PIGN: variants seen among roughly 807,000 people sequenced by gnomAD.
The protein encoded by PIGN is phosphatidylinositol glycan anchor biosynthesis class N.
PIGN carries 117 observed loss-of-function variants against 125.4 expected under a neutral mutation model. The observed-to-expected ratio is 0.93, with a 90% confidence interval of 0.80 to 1.09. PIGN has a LOEUF of 1.09. Ranked by LOEUF, PIGN falls within the 50% of genes least tolerant of loss-of-function variation. The pLI, the probability that PIGN is intolerant of heterozygous loss-of-function variation, is 0.00. For synonymous variants in PIGN, 392 were observed against 377.8 expected (o/e 1.04, Z -0.44); for missense variants, 1,075 against 1,094.9 (o/e 0.98, Z 0.26).
intron 23 of PIGN, among the ~76,000 whole-genome samples, chr18:62,032,298 G>T (rs1361711951): frequency 2.0e-5 from 3 of 152,156 alleles, no homozygotes; most frequent in African/African-American, 4.8e-5. Flanking sequence ...AACTTCAATT[G>T]CTTAAAAATA....
At chr18:62,105,354 T>C (rs555631697) in intron 20 of PIGN, 189 bp downstream of exon 20, 1 of 384,660 alleles carries the variant, frequency 2.6e-6, no homozygotes, top group East Asian at 4.1e-5. Flanking sequence ...CGAAAGCACC[T>C]ACTAGGAGGT....
chr18:62,041,640 GGTGTGTGTGTGTGTGTGTGTGTGTGT>G lies in PIGN; in HGVS notation c.*4190_*4215del, dbSNP rs1220795520. On this transcript the variant is annotated 3_prime_UTR_variant, in exon 31 of 31. Transcript: ENST00000640252. ...ATTACAGGAGCCTACCACCCCGCCG[GGTGTGTGTGTGTGTGTGTGTGTGTGT>G]GTGTGTGTGTGTGTGTGTGTGTGTG... 23 of 77,538 alleles carry G rather than the reference GGTGTGTGTGTGTGTGTGTGTGTGTGT, an allele frequency of 3.0e-4. No homozygotes were observed. Among genetic ancestry groups the G allele is most frequent in the African/African-American group, 4.9e-4 (9 of 18,490 alleles). 4.8% of individuals were successfully genotyped at this position (77,538 alleles called of 1,614,324 possible). A position where few individuals can be genotyped will look rare whatever the true frequency, so the allele number is the denominator to read the frequency against.
chr18:62,105,704 T>C (rs527468534), intron 19 of PIGN, 70 bp from the exon 20 acceptor site: 2 of 782,298 alleles, frequency 2.6e-6, no homozygotes, highest in Non-Finnish European at 4.0e-6. Flanking sequence ...TTTCACAGAC[T>C]ATATGACTGT....
At chr18:62,022,231 T>C (rs2030061826) in intron 23 of PIGN, among the ~76,000 whole-genome samples, 1 of 152,052 alleles carries the variant, frequency 6.6e-6, no homozygotes, top group Non-Finnish European at 1.5e-5. Flanking sequence ...GGGGCAAAAA[T>C]ATTGGGGGCC....
At chr18:62,165,290 C>A (rs2037091376) in intron 1 of PIGN, among the ~76,000 whole-genome samples, 1 of 152,196 alleles carries the variant, frequency 6.6e-6, no homozygotes, top group South Asian at 2.1e-4. Flanking sequence ...GAAGCCAGGT[C>A]CGTGTCCTTT....
At chr18:62,111,108 A>C (rs1359126977) in intron 16 of PIGN, among the ~76,000 whole-genome samples, 1 of 152,092 alleles carries the variant, frequency 6.6e-6, no homozygotes, top group African/African-American at 2.4e-5. Flanking sequence ...AGAAAGAGAA[A>C]GAATTCAAGT....
At chr18:62,074,966 T>A (rs1413296890) in intron 28 of PIGN, 145 bp from the exon 29 acceptor site, 1 of 583,272 alleles carries the variant, frequency 1.7e-6, no homozygotes, top group African/African-American at 1.9e-5. Context: ...GTTCTTTTCA[T>A]ATTATCATGG....
At chr18:62,095,000 A>C (rs185603930) in intron 23 of PIGN, among the ~76,000 whole-genome samples, 6 of 152,322 alleles carry the variant, frequency 3.9e-5, no homozygotes, top group Non-Finnish European at 7.4e-5. Context: ...AGTTTCCAAA[A>C]GGGAGAACCT....
chr18:62,133,341 AATCTAT>A (rs1366312763), intron 14 of PIGN, among the ~76,000 whole-genome samples: 1 of 152,192 alleles, frequency 6.6e-6, no homozygotes, highest in African/African-American at 2.4e-5. Context: ...AGTTCCACTA[AATCTAT>A]ATGTTTGGCC....
intron 21 of PIGN, among the ~76,000 whole-genome samples, chr18:62,102,234 A>G (rs1165612184): frequency 6.7e-6 from 1 of 150,212 alleles, no homozygotes; most frequent in Non-Finnish European, 1.5e-5. Context: ...TTTCAAAAAA[A>G]CACATACAAA....
chr18:62,181,796 G>C (rs182476670), intron 1 of PIGN, among the ~76,000 whole-genome samples: 1 of 151,894 alleles, frequency 6.6e-6, no homozygotes, highest in African/African-American at 2.4e-5. Flanking sequence ...GCGCGATCTC[G>C]GCTCACTGCA....
intron 30 of PIGN, among the ~76,000 whole-genome samples, chr18:62,068,886 C>G (rs1469874785): frequency 6.6e-6 from 1 of 152,192 alleles, no homozygotes; most frequent in Non-Finnish European, 1.5e-5. Context: ...AGCTCCTGTT[C>G]TGAAAAGCCT....
rs1371209390 is a variant in PIGN at position 62,043,409 on chromosome 18, G to C, written c.*2447C>G. On this transcript the variant is annotated 3_prime_UTR_variant, in exon 31 of 31. Transcript: ENST00000640252. ...AGGAGCCCCTAGTCCACCAAAACAA[G>C]TGTAAAAAGGTCGCAGGAGGGGAGG... 2.0e-5 allele frequency: 3 copies of C among 152,152 alleles called. No individual in the cohort carries two copies. The highest frequency in any genetic ancestry group is 4.4e-5 in the Non-Finnish European group (3 of 68,038). 9.4% of individuals were successfully genotyped at this position (152,152 alleles called of 1,614,324 possible).
chr18:62,071,857 C>T, intron 30 of PIGN, among the ~76,000 whole-genome samples: 2 of 108,348 alleles, frequency 1.8e-5, no homozygotes, highest in Non-Finnish European at 3.6e-5. Context: ...GACTGTACTC[C>T]TTTTCCATAT....
intron 21 of PIGN, 21 bp from the exon 22 acceptor site, chr18:62,101,204 G>C: frequency 2.2e-6 from 3 of 1,392,276 alleles, no homozygotes; most frequent in South Asian, 2.4e-5. Flanking sequence ...AGATGAAATA[G>C]GTTAAAAAAA....
chr18:62,071,863 C>CATATATATATAT (rs61508545), intron 30 of PIGN, among the ~76,000 whole-genome samples: 17 of 77,604 alleles, frequency 2.2e-4, no homozygotes, highest in South Asian at 5.6e-4. Context: ...ACTCCTTTTC[C>CATATATATATAT]ATATATATAT....
intron 20 of PIGN, 54 bp downstream of exon 20, chr18:62,105,485 GTTAA>G (rs1292829863): frequency 1.0e-6 from 1 of 959,634 alleles, no homozygotes. Context: ...ATTTTACAGT[GTTAA>G]TTGAGGAAAA....
chr18:62,049,119 T>C (rs1456432164), intron 30 of PIGN, among the ~76,000 whole-genome samples: 4 of 151,214 alleles, frequency 2.6e-5, no homozygotes, highest in Admixed American at 2.6e-4. Context: ...ACATTTGGGT[T>C]GGTTCCAAGT....
At chr18:62,025,114 G>T (rs1244998287) in intron 23 of PIGN, among the ~76,000 whole-genome samples, 1 of 152,102 alleles carries the variant, frequency 6.6e-6, no homozygotes, top group Non-Finnish European at 1.5e-5. Context: ...TCTATTGAAG[G>T]CTATAAAAAT....
Sources: gnomAD v4.1 joint callset for allele counts (sites outside exome capture counted in the v4.1 genomes callset) on GRCh38, gnomAD v4.1.1 for gene constraint, MANE v1.5 for transcripts, NCBI Gene and HGNC (gene_info 2026-07-23, HGNC 2026-07-21) for gene names.